Variants in NFIB observed in about 807,000 individuals in gnomAD.
The protein encoded by NFIB is nuclear factor 1 B-type.
NFIB carries 11 observed loss-of-function variants against 61.5 expected under a neutral mutation model. That is an observed-to-expected ratio of 0.18 (90% CI 0.11 to 0.30). NFIB has a LOEUF of 0.30. Among genes scored for constraint, NFIB ranks in the 10% least tolerant of loss-of-function variants. The pLI, the probability that NFIB is intolerant of heterozygous loss-of-function variation, is 1.00. For missense variants in NFIB, 471 were observed against 608.9 expected (o/e 0.77, Z 2.38); for synonymous variants, 260 against 216.5 (o/e 1.20, Z -1.76).
chr9:14,506,598 G>A, the NFIB span, among the ~76,000 whole-genome samples: 1 of 152,162 alleles, frequency 6.6e-6, no homozygotes, highest in Non-Finnish European at 1.5e-5. Context: ...AATATGGAGA[G>A]ATGCTGGAAG....
rs548501691 is a variant in NFIB, at chr9:14,208,146, T to A, written c.563-28366A>T. Among the ~76,000 whole-genome samples, 33 of 152,356 alleles carry A rather than the reference T, an allele frequency of 2.2e-4. 1 individual carries two copies. The South Asian group carries it at 5.8e-3, about 27-fold the overall frequency. ...CATCTTTCCACTTTTATTCCATATT[T>A]GTAATCTGATTTTAATGACCTCAGG... On this transcript the variant is annotated intron_variant, in intron 2 of 10. Transcript: ENST00000380953.
chr9:14,435,463 C>T, the NFIB span, among the ~76,000 whole-genome samples: 1 of 152,220 alleles, frequency 6.6e-6, no homozygotes, highest in African/African-American at 2.4e-5. Context: ...TTATTAACCT[C>T]TGTGCCTCTG....
intron 1 of NFIB, among the ~76,000 whole-genome samples, chr9:14,394,437 A>T (rs1177450893): frequency 2.6e-5 from 4 of 152,172 alleles, no homozygotes; most frequent in Admixed American, 2.6e-4. Context: ...GCCTCATAAT[A>T]ATGGTGGAAG....
chr9:14,112,906 G>A, intron 10 of NFIB, 93 bp downstream of exon 10: 1 of 1,173,188 alleles, frequency 8.5e-7, no homozygotes, highest in Non-Finnish European at 1.2e-6. Flanking sequence ...AGCCCCGGGA[G>A]CCCCCTTCTG....
At chr9:14,441,596 CTT>C in the NFIB span, among the ~76,000 whole-genome samples, 14 of 149,490 alleles carry the variant, frequency 9.4e-5, no homozygotes, top group South Asian at 2.1e-4. Flanking sequence ...TCTTCTTCCT[CTT>C]TTTTTTTTTC....
intron 4 of NFIB, 29 bp downstream of exon 4, chr9:14,155,796 C>T (rs2043326671): frequency 7.3e-7 from 1 of 1,378,710 alleles, no homozygotes; most frequent in Non-Finnish European, 1.0e-6. Flanking sequence ...ATACTGCATG[C>T]TTAAGTAGTA....
At chr9:14,463,443 T>A in the NFIB span, among the ~76,000 whole-genome samples, 1 of 151,610 alleles carries the variant, frequency 6.6e-6, no homozygotes, top group Non-Finnish European at 1.5e-5. Context: ...TTTTCCCTTA[T>A]ATATTTAACA....
At chr9:14,179,702 C>T (rs757922813) in intron 3 of NFIB, 25 bp downstream of exon 3, 2 of 1,612,452 alleles carry the variant, frequency 1.2e-6, no homozygotes, top group African/African-American at 2.7e-5. Context: ...TGTCAGATTG[C>T]AAATGTCCTG....
At chr9:14,490,731 A>G in the NFIB span, among the ~76,000 whole-genome samples, 1 of 152,224 alleles carries the variant, frequency 6.6e-6, no homozygotes, top group Non-Finnish European at 1.5e-5. Flanking sequence ...AGAAATGCAC[A>G]TTGAGATATC....
At chr9:14,127,589 A>T (rs777159030) in intron 6 of NFIB, among the ~76,000 whole-genome samples, 16 of 152,168 alleles carry the variant, frequency 1.1e-4, no homozygotes, top group Admixed American at 2.0e-4. Flanking sequence ...AAAACACCAA[A>T]ACTTTATCAC....
intron 2 of NFIB, among the ~76,000 whole-genome samples, chr9:14,198,856 G>A (rs190559371): frequency 1.3e-5 from 2 of 152,290 alleles, no homozygotes; most frequent in East Asian, 3.9e-4. Flanking sequence ...CAGTCCTTAA[G>A]CCAAAACCAA....
rs59897559 is a variant in NFIB, at chr9:14,182,708, C to CTG, written c.563-2930_563-2929dup. ...CCTCTCTCTCTCTCTCTCTCTCTCT[C>CTG]TGTGTGTGTGTGTGTGTGTGTGTGT... On this transcript the variant is annotated intron_variant, in intron 2 of 10. Coordinates refer to ENST00000380953, the MANE Select transcript of NFIB (RefSeq NM_001190737.2). 5.8e-3 allele frequency among the ~76,000 whole-genome samples: 561 copies of CTG among 96,970 alleles called. 19 individuals carry two copies. Among genetic ancestry groups the CTG allele is most frequent in the African/African-American group, 0.02 (460 of 22,726 alleles). The allele number at this position is 96,970 out of a possible 152,430, so 63.6% of individuals were successfully genotyped here. A position where few individuals can be genotyped will look rare whatever the true frequency, so the allele number is the denominator to read the frequency against.
chr9:14,122,711 A>T (rs2039096877), intron 7 of NFIB, among the ~76,000 whole-genome samples: 1 of 152,180 alleles, frequency 6.6e-6, no homozygotes, highest in Non-Finnish European at 1.5e-5. Context: ...CCCTGGAAAG[A>T]TATATACATA....
At chr9:14,221,178 T>C (rs539744164) in intron 2 of NFIB, among the ~76,000 whole-genome samples, 1 of 152,226 alleles carries the variant, frequency 6.6e-6, no homozygotes, top group African/African-American at 2.4e-5. Flanking sequence ...CTTCCCCATA[T>C]CGCAAAGTAA....
At chr9:14,231,204 C>G (rs900934067) in intron 2 of NFIB, among the ~76,000 whole-genome samples, 4 of 138,424 alleles carry the variant, frequency 2.9e-5, no homozygotes, top group African/African-American at 1.1e-4. Context: ...AGATTGCTAT[C>G]TAAGCATGCT....
intron 3 of NFIB, among the ~76,000 whole-genome samples, chr9:14,162,549 T>A (rs1233728154): frequency 6.6e-6 from 1 of 152,116 alleles, no homozygotes; most frequent in East Asian, 1.9e-4. Flanking sequence ...TTTTGTATTT[T>A]ATTTGTCAAG....
chr9:14,500,958 A>G, the NFIB span, among the ~76,000 whole-genome samples: 1 of 152,162 alleles, frequency 6.6e-6, no homozygotes, highest in Non-Finnish European at 1.5e-5. Context: ...CAGACAAGGA[A>G]AGTTTTCAGT....
At chr9:14,478,135 G>T in the NFIB span, among the ~76,000 whole-genome samples, 1 of 152,154 alleles carries the variant, frequency 6.6e-6, no homozygotes, top group African/African-American at 2.4e-5. Context: ...ATTTAGGCAT[G>T]CACACACACC....
the NFIB span, among the ~76,000 whole-genome samples, chr9:14,511,322 G>C: frequency 6.6e-6 from 1 of 151,736 alleles, no homozygotes; most frequent in Non-Finnish European, 1.5e-5. Flanking sequence ...TTTTACACTT[G>C]ATTACTTTAT....
Sources: gnomAD v4.1 joint callset for allele counts (sites outside exome capture counted in the v4.1 genomes callset) on GRCh38, gnomAD v4.1.1 for gene constraint, MANE v1.5 for transcripts, NCBI Gene and HGNC (gene_info 2026-07-23, HGNC 2026-07-21) for gene names.